The following CAMTA1 variants were observed in gnomAD, a reference collection of about 807,000 sequenced individuals.
CAMTA1 encodes calmodulin-binding transcription activator 1.
Under a neutral mutation model 170.9 loss-of-function variants are expected in CAMTA1, and 27 were observed. The observed-to-expected ratio is 0.16, with a 90% CI of 0.12 to 0.22. The LOEUF (loss-of-function observed/expected upper bound fraction) is 0.22. CAMTA1 is among the 10% of genes least tolerant of loss of function. CAMTA1 has a pLI of 1.00. For synonymous variants in CAMTA1, 833 were observed against 891.5 expected, an observed-to-expected ratio of 0.93 and a Z score of 1.17; for missense variants, 1,619 against 2,217.2, an observed-to-expected ratio of 0.73 and a Z score of 5.42.
chr1:7,452,591 C>G (rs1411341704), intron 5 of CAMTA1, among the ~76,000 whole-genome samples: 1 of 152,226 alleles, frequency 6.6e-6, no homozygotes, highest in East Asian at 1.9e-4. Context: ...TTGACCTCTT[C>G]AGAATGTTTC....
chr1:7,069,990 C>T (rs1638399092), intron 3 of CAMTA1, among the ~76,000 whole-genome samples: 1 of 152,246 alleles, frequency 6.6e-6, no homozygotes, highest in Non-Finnish European at 1.5e-5. Flanking sequence ...CTTGCCGCGG[C>T]CTCTGGTTCA....
intron 6 of CAMTA1, among the ~76,000 whole-genome samples, chr1:7,472,388 G>A (rs759733699): frequency 1.8e-4 from 27 of 152,080 alleles, no homozygotes; most frequent in Admixed American, 5.2e-4. Context: ...CACCAGGAGC[G>A]GTGACCATGC....
intron 4 of CAMTA1, among the ~76,000 whole-genome samples, chr1:7,231,172 C>T (rs1662728979): frequency 6.6e-6 from 1 of 152,118 alleles, no homozygotes; most frequent in Non-Finnish European, 1.5e-5. Context: ...CCTCCTGGCC[C>T]CTTGACGTGG....
chr1:6,993,531 C>G (rs1394467206), intron 3 of CAMTA1, among the ~76,000 whole-genome samples: 1 of 151,854 alleles, frequency 6.6e-6, no homozygotes, highest in Non-Finnish European at 1.5e-5. Context: ...ATTTTTGCTT[C>G]TTGTCTTTTG....
intron 6 of CAMTA1, among the ~76,000 whole-genome samples, chr1:7,553,417 G>T (rs539406900): frequency 1.3e-5 from 2 of 152,250 alleles, no homozygotes; most frequent in Non-Finnish European, 2.9e-5. Context: ...CATCAGCTGT[G>T]TATTGAGTGC....
intron 4 of CAMTA1, among the ~76,000 whole-genome samples, chr1:7,121,823 G>T (rs887310383): frequency 6.6e-6 from 1 of 152,168 alleles, no homozygotes; most frequent in African/African-American, 2.4e-5. Context: ...GAGCCGCGAG[G>T]GGGGTGCCAC....
At chr1:7,415,956 C>T (rs1482061066) in intron 5 of CAMTA1, among the ~76,000 whole-genome samples, 32 of 152,014 alleles carry the variant, frequency 2.1e-4, no homozygotes, top group South Asian at 1.0e-3. Context: ...GCAGGCCTGG[C>T]GGTGACAAAA....
chr1:7,230,595 T>G (rs1430416557), intron 4 of CAMTA1, among the ~76,000 whole-genome samples: 1 of 152,194 alleles, frequency 6.6e-6, no homozygotes, highest in Non-Finnish European at 1.5e-5. Context: ...TGCAGTTGGC[T>G]GTCTTAGGTG....
At chr1:6,892,636 G>A (rs1482305876) in intron 3 of CAMTA1, among the ~76,000 whole-genome samples, 1 of 137,538 alleles carries the variant, frequency 7.3e-6, no homozygotes, top group African/African-American at 2.7e-5. Flanking sequence ...GGGGGTAGAT[G>A]CTTTTATATA....
In CAMTA1 at chr1:6,837,027, C is replaced by G. The variant is rs144913991; in HGVS notation, c.234+11817C>G. ...ATCTCGGCTCACTGCAATCTCCGCT[C>G]ACTGCAATCTCCGCCACCCGGGTTC... is the stretch of plus-strand genomic sequence containing the variant. On this transcript the variant is annotated intron_variant, in intron 3 of 22. Transcript: ENST00000303635. Among the ~76,000 whole-genome samples the G allele has an allele frequency of 6.3e-3, 958 of 151,276 alleles. 13 individuals carry two copies. The highest frequency in any genetic ancestry group is 0.022 in the African/African-American group (892 of 41,192).
chr1:7,531,906 T>C (rs976035890), intron 6 of CAMTA1, among the ~76,000 whole-genome samples: 1 of 152,166 alleles, frequency 6.6e-6, no homozygotes, highest in Non-Finnish European at 1.5e-5. Flanking sequence ...CACAGAACCT[T>C]TGGGCTGAAT....
intron 5 of CAMTA1, among the ~76,000 whole-genome samples, chr1:7,326,673 T>G (rs74052675): frequency 0.013 from 1,955 of 152,152 alleles, 47 homozygotes; most frequent in African/African-American, 0.044. Context: ...AAGAAAAGAT[T>G]CTCCCTCACA....
intron 3 of CAMTA1, among the ~76,000 whole-genome samples, chr1:6,932,294 G>A (rs1205377607): frequency 1.3e-5 from 2 of 151,958 alleles, no homozygotes; most frequent in Non-Finnish European, 2.9e-5. Flanking sequence ...CTTTTTTTGG[G>A]GTCTGGCTCC....
chr1:6,911,611 CAGGT>C (rs1054886147), intron 3 of CAMTA1, among the ~76,000 whole-genome samples: 2 of 152,052 alleles, frequency 1.3e-5, no homozygotes, highest in African/African-American at 4.8e-5. Context: ...ATCTGTAAGA[CAGGT>C]AGACCTTCAT....
rs1451081043 is a variant in CAMTA1, at chr1:7,426,278, A to C, written c.439-41552A>C. Among the ~76,000 whole-genome samples the C allele has an allele frequency of 6.6e-6, 1 of 152,008 alleles. No homozygotes were observed. The highest frequency in any genetic ancestry group is 1.5e-5 in the Non-Finnish European group (1 of 68,022). On this transcript the variant is annotated intron_variant, in intron 5 of 22. Transcript: ENST00000303635. This position sits in a 1 kb window ranked among gnomAD's most constrained non-coding sequence, Gnocchi z 4.8. ...ACGGTCCGAAGCTCAGAGCATCCTC[A>C]CTAGCATTTCTGTAGCCCCTCAGAG... is the stretch of plus-strand genomic sequence containing the variant.
At chr1:7,309,588 C>T (rs1004300955) in intron 5 of CAMTA1, among the ~76,000 whole-genome samples, 2 of 151,978 alleles carry the variant, frequency 1.3e-5, no homozygotes, top group Non-Finnish European at 2.9e-5. Flanking sequence ...CGTGAGCCGC[C>T]GCGCCCGGCC....
At chr1:7,377,846 G>A (rs1385826148) in intron 5 of CAMTA1, among the ~76,000 whole-genome samples, 1 of 152,026 alleles carries the variant, frequency 6.6e-6, no homozygotes. Context: ...GCTTGAACCC[G>A]GGAGGCAGAG....
chr1:7,161,418 C>T (rs1175695012), intron 4 of CAMTA1, among the ~76,000 whole-genome samples: 1 of 152,190 alleles, frequency 6.6e-6, no homozygotes, highest in Admixed American at 6.5e-5. Flanking sequence ...TATGGTTTGG[C>T]TGTGTCCCCA....
At chr1:6,836,045 G>C (rs1417832053) in intron 3 of CAMTA1, among the ~76,000 whole-genome samples, 6 of 152,120 alleles carry the variant, frequency 3.9e-5, no homozygotes, top group Non-Finnish European at 7.3e-5. Flanking sequence ...CAGTCTGCCT[G>C]CCTACCTGCC....
Sources: allele counts gnomAD v4.1 joint callset (sites outside exome capture counted in the v4.1 genomes callset), GRCh38; gene constraint gnomAD v4.1.1; non-coding constraint Gnocchi (gnomAD v3.1); transcripts MANE v1.5; gene names NCBI Gene and HGNC (gene_info 2026-07-23, HGNC 2026-07-21).